Variants in ZMYM2 observed in about 807,000 individuals in gnomAD.
ZMYM2 encodes the protein zinc finger MYM-type containing 2, also known as zinc finger MYM-type protein 2.
Under a neutral mutation model 162.8 loss-of-function variants are expected in ZMYM2, and 56 were observed. The observed-to-expected ratio is 0.34, with a 90% CI of 0.28 to 0.43. ZMYM2 has a LOEUF of 0.43. Ranked by LOEUF, ZMYM2 falls within the 20% of genes least tolerant of loss-of-function variation. The pLI is 1.00. For missense variants in ZMYM2, 1,275 were observed against 1,621.8 expected (o/e 0.79, Z 3.67); for synonymous variants, 510 against 541.6 (o/e 0.94, Z 0.81).
chr13:20,060,998 GA>G, intron 16 of ZMYM2, 54 bp from the exon 17 acceptor site: 1 of 1,522,160 alleles, frequency 6.6e-7, no homozygotes. Flanking sequence ...TTTTAATTTG[GA>G]AAAATACCTT....
the ZMYM2 span, among the ~76,000 whole-genome samples, chr13:19,940,884 C>T: frequency 6.6e-6 from 1 of 152,070 alleles, no homozygotes; most frequent in Non-Finnish European, 1.5e-5. Flanking sequence ...TATAGTTATG[C>T]CAGGCATGGG....
At chr13:19,880,919 C>G in the ZMYM2 span, among the ~76,000 whole-genome samples, 1 of 150,714 alleles carries the variant, frequency 6.6e-6, no homozygotes, top group Non-Finnish European at 1.5e-5. Flanking sequence ...GAGACAGTCT[C>G]GCTTCATTAC....
At chr13:19,933,610 A>G in the ZMYM2 span, among the ~76,000 whole-genome samples, 1 of 152,190 alleles carries the variant, frequency 6.6e-6, no homozygotes, top group African/African-American at 2.4e-5. Flanking sequence ...TTAAGATGCA[A>G]AGGAAGCAAG....
chr13:19,864,957 G>C, the ZMYM2 span: 2 of 152,280 alleles, frequency 1.3e-5, no homozygotes, highest in African/African-American at 4.8e-5. Context: ...GCGGTTCTTA[G>C]TGGGATTACA....
At chr13:20,030,692 C>G (rs1384463755) in intron 9 of ZMYM2, among the ~76,000 whole-genome samples, 7 of 152,208 alleles carry the variant, frequency 4.6e-5, no homozygotes, top group Admixed American at 3.9e-4. Context: ...GCCACCACGC[C>G]TGGCCTAATT....
chr13:20,032,898 C>T (rs1408806503), intron 10 of ZMYM2, among the ~76,000 whole-genome samples: 3 of 152,020 alleles, frequency 2.0e-5, no homozygotes, highest in South Asian at 2.1e-4. Flanking sequence ...CGTGAGCCAC[C>T]GCACCCAGCC....
chr13:19,994,554 A>G (rs1314122981), intron 3 of ZMYM2, among the ~76,000 whole-genome samples: 5 of 152,142 alleles, frequency 3.3e-5, no homozygotes, highest in Admixed American at 1.3e-4. Flanking sequence ...CAGTGGCGCA[A>G]TCTTGGCTCA....
the ZMYM2 span, among the ~76,000 whole-genome samples, chr13:19,951,523 C>G: frequency 2.7e-5 from 1 of 36,744 alleles, no homozygotes; most frequent in South Asian, 1.2e-3. Flanking sequence ...AACCCCATCT[C>G]TACTAAAAAA....
At chr13:20,079,365 C>T (rs1441560069) in intron 21 of ZMYM2, among the ~76,000 whole-genome samples, 1 of 126,892 alleles carries the variant, frequency 7.9e-6, no homozygotes, top group Admixed American at 8.7e-5. Flanking sequence ...GAATTCAAAT[C>T]CCATAATTGA....
chr13:19,882,634 C>A, the ZMYM2 span, among the ~76,000 whole-genome samples: 4 of 152,114 alleles, frequency 2.6e-5, no homozygotes, highest in Non-Finnish European at 5.9e-5. Context: ...GTCATCCCAA[C>A]TACTCAGGAG....
intron 3 of ZMYM2, among the ~76,000 whole-genome samples, chr13:19,996,021 T>C (rs1206738854): frequency 6.6e-6 from 1 of 151,970 alleles, no homozygotes; most frequent in African/African-American, 2.4e-5. Context: ...GACTTTTTCA[T>C]GACATGTCTG....
intron 6 of ZMYM2, among the ~76,000 whole-genome samples, chr13:20,016,015 C>T (rs888584612): frequency 9.9e-5 from 15 of 151,860 alleles, no homozygotes; most frequent in African/African-American, 3.6e-4. Context: ...AACATAATTA[C>T]CAATAAGGAA....
At chr13:20,034,789 G>A (rs1953528098) in intron 11 of ZMYM2, among the ~76,000 whole-genome samples, 1 of 152,146 alleles carries the variant, frequency 6.6e-6, no homozygotes, top group South Asian at 2.1e-4. Context: ...ATGTATACCA[G>A]AAAGAAAATC....
At chr13:19,876,918 A>G in the ZMYM2 span, among the ~76,000 whole-genome samples, 4 of 152,160 alleles carry the variant, frequency 2.6e-5, no homozygotes, top group Non-Finnish European at 5.9e-5. Flanking sequence ...CTGAGACTGG[A>G]TAATTTCTTT....
upstream of ZMYM2, among the ~76,000 whole-genome samples, chr13:19,958,401 C>T (rs1411445790): frequency 1.3e-5 from 2 of 151,964 alleles, no homozygotes; most frequent in Non-Finnish European, 2.9e-5. Context: ...CCCGAGGAGC[C>T]GAAGCGGGTT....
At chr13:20,074,785 G>C (rs1298391170) in intron 21 of ZMYM2, among the ~76,000 whole-genome samples, 1 of 151,230 alleles carries the variant, frequency 6.6e-6, no homozygotes, top group African/African-American at 2.4e-5. Flanking sequence ...TGATCCGCCT[G>C]CCTTGGCCTC....
At chr13:20,063,363 A>G (rs552151781) in intron 18 of ZMYM2, among the ~76,000 whole-genome samples, 7 of 147,158 alleles carry the variant, frequency 4.8e-5, no homozygotes, top group African/African-American at 1.8e-4. Flanking sequence ...AGATTGTGCT[A>G]CTGCACTCCA....
intron 2 of ZMYM2, among the ~76,000 whole-genome samples, chr13:19,991,145 G>GCT (rs1949590012): frequency 6.7e-6 from 1 of 149,124 alleles, no homozygotes; most frequent in African/African-American, 2.5e-5. Context: ...GACAGGGTTT[G>GCT]CTCTGTTGCC....
chr13:19,901,668 G>A, the ZMYM2 span, among the ~76,000 whole-genome samples: 1 of 152,024 alleles, frequency 6.6e-6, no homozygotes, highest in African/African-American at 2.4e-5. Context: ...GTAGAGACGG[G>A]GTTTCACCAT....
Sources: allele counts gnomAD v4.1 joint callset (sites outside exome capture counted in the v4.1 genomes callset), GRCh38; gene constraint gnomAD v4.1.1; transcripts MANE v1.5; gene names NCBI Gene and HGNC (gene_info 2026-07-23, HGNC 2026-07-21).